The following FMNL2 variants were observed in gnomAD, a reference collection of about 807,000 sequenced individuals.
FMNL2 encodes formin-like protein 2.
FMNL2 carries 51 observed loss-of-function variants against 130.2 expected under a neutral mutation model. The ratio of observed to expected loss-of-function variants is 0.39; its 90% CI spans 0.31 to 0.49. The LOEUF (loss-of-function observed/expected upper bound fraction) is 0.49, where lower values mean the gene tolerates loss of function less well. Ranked by LOEUF, FMNL2 falls within the 20% of genes least tolerant of loss-of-function variation. The pLI is 0.85. For missense variants in FMNL2, 977 were observed against 1,316.2 expected, an observed-to-expected ratio of 0.74 and a Z score of 3.99; for synonymous variants, 465 against 467.1, an observed-to-expected ratio of 1.00 and a Z score of 0.06.
chr2:152,522,781 G>T (rs528574162), intron 2 of FMNL2, among the ~76,000 whole-genome samples: 1 of 152,238 alleles, frequency 6.6e-6, no homozygotes, highest in African/African-American at 2.4e-5. Flanking sequence ...CCAGTCTCAG[G>T]TATGTCTTTA....
chr2:152,386,445 A>G (rs1005885981), intron 1 of FMNL2, among the ~76,000 whole-genome samples: 2 of 152,198 alleles, frequency 1.3e-5, no homozygotes, highest in Non-Finnish European at 1.5e-5. Context: ...TTAATAAGTT[A>G]TGTGATTTTA....
chr2:152,597,394 A>C (rs942244458), intron 9 of FMNL2, among the ~76,000 whole-genome samples: 1 of 152,234 alleles, frequency 6.6e-6, no homozygotes, highest in Non-Finnish European at 1.5e-5. Context: ...ACCATACTTC[A>C]ATATGCGGCA....
intron 11 of FMNL2, among the ~76,000 whole-genome samples, chr2:152,613,116 T>C (rs995574756): frequency 2.6e-5 from 4 of 152,246 alleles, no homozygotes; most frequent in Admixed American, 1.3e-4. Flanking sequence ...AGAGGCGTAA[T>C]AGATTTCCAT....
intron 6 of FMNL2, among the ~76,000 whole-genome samples, chr2:152,566,847 G>A (rs1355281811): frequency 1.3e-5 from 2 of 152,166 alleles, no homozygotes; most frequent in Admixed American, 6.5e-5. Context: ...ACTTGGTGTG[G>A]ATGTGAAACA....
At chr2:152,386,286 C>T (rs1658116667) in intron 1 of FMNL2, among the ~76,000 whole-genome samples, 1 of 152,198 alleles carries the variant, frequency 6.6e-6, no homozygotes, top group Non-Finnish European at 1.5e-5. Flanking sequence ...ATCCCGGGTG[C>T]ACACTTGGAT....
intron 1 of FMNL2, among the ~76,000 whole-genome samples, chr2:152,360,655 A>G (rs546336523): frequency 2.0e-5 from 3 of 152,352 alleles, no homozygotes; most frequent in South Asian, 4.1e-4. Context: ...GGCCCAGTAT[A>G]TATAAGTTCT....
In FMNL2 at chr2:152,509,737, C is replaced by CT. The variant is rs138976882; in HGVS notation, c.118-12180dup. On this transcript the variant is annotated intron_variant, in intron 1 of 25. Transcript: ENST00000288670. ...GAGAAGGTATATCTGTACTCTGGAC[C>CT]TTTTTTTTTTTTTTTTTTTTTTTTT... 6.2e-3 allele frequency among the ~76,000 whole-genome samples: 366 copies of CT among 58,664 alleles called. 76 individuals are homozygous for CT. The East Asian group carries it at 0.093, about 15-fold the overall frequency. 38.5% of individuals were successfully genotyped at this position (58,664 alleles called of 152,430 possible).
chr2:152,446,490 A>T (rs538165918), intron 1 of FMNL2, among the ~76,000 whole-genome samples: 4 of 152,164 alleles, frequency 2.6e-5, no homozygotes, highest in Non-Finnish European at 5.9e-5. Flanking sequence ...TATTCTTTCA[A>T]CTTTTGTGAT....
intron 3 of FMNL2, among the ~76,000 whole-genome samples, chr2:152,547,366 C>T (rs906516447): frequency 2.0e-5 from 3 of 152,152 alleles, no homozygotes; most frequent in Non-Finnish European, 1.5e-5. Flanking sequence ...AGGCCTGTTT[C>T]GACAGAAGAG....
At chr2:152,603,398 T>TG (rs1179008882) in intron 9 of FMNL2, among the ~76,000 whole-genome samples, 23 of 118,014 alleles carry the variant, frequency 1.9e-4, no homozygotes, top group Admixed American at 1.7e-3. Flanking sequence ...TATTTAAGTC[T>TG]GTTTTTTTTT....
At chr2:152,518,772 T>A (rs1244398928) in intron 1 of FMNL2, among the ~76,000 whole-genome samples, 1 of 152,232 alleles carries the variant, frequency 6.6e-6, no homozygotes, top group Non-Finnish European at 1.5e-5. Flanking sequence ...GCTGCCATCA[T>A]TCACTTGAAC....
intron 1 of FMNL2, among the ~76,000 whole-genome samples, chr2:152,391,151 C>T (rs548726459): frequency 1.7e-4 from 26 of 152,202 alleles, no homozygotes; most frequent in Non-Finnish European, 3.5e-4. Context: ...TGAATCATAG[C>T]ACTGCGTCTT....
At chr2:152,573,695 C>T (rs1043955750) in intron 6 of FMNL2, among the ~76,000 whole-genome samples, 1 of 152,118 alleles carries the variant, frequency 6.6e-6, no homozygotes, top group African/African-American at 2.4e-5. Flanking sequence ...TATTACTACT[C>T]TATTTTTATA....
At chr2:152,370,432 T>C (rs995588272) in intron 1 of FMNL2, among the ~76,000 whole-genome samples, 4 of 152,244 alleles carry the variant, frequency 2.6e-5, no homozygotes, top group Admixed American at 1.3e-4. Context: ...TTTCAACACA[T>C]GAATTTGACA....
rs769093071 is a variant in FMNL2, at chr2:152,647,819, C to A, written c.3193C>A (p.Arg1065=). The change falls in exon 26 of 26, where the codon CGA becomes AGA. Residue 1065 remains arginine, a synonymous_variant. Coordinates refer to ENST00000288670, the MANE Select transcript of FMNL2 (RefSeq NM_052905.4). ...AGATCTTAGAAACCAACCATACAGA[C>A]GAGCCGATGCGGTGAGGAGAAGCGT... The part of the protein sequence containing the change: ...ITDLRNQPYR[R]ADAVRRSVRR... The A allele has an allele frequency of 6.2e-7, 1 of 1,613,560 alleles. No individual in the cohort carries two copies. Among genetic ancestry groups the A allele is most frequent in the Non-Finnish European group, 8.5e-7 (1 of 1,179,782 alleles).
At chr2:152,524,562 G>C (rs953981999) in intron 2 of FMNL2, among the ~76,000 whole-genome samples, 2 of 152,174 alleles carry the variant, frequency 1.3e-5, no homozygotes, top group African/African-American at 2.4e-5. Flanking sequence ...TGGGGACACA[G>C]AGGCAAATTT....
chr2:152,448,051 G>A (rs1358700441), intron 1 of FMNL2, among the ~76,000 whole-genome samples: 1 of 152,022 alleles, frequency 6.6e-6, no homozygotes, highest in African/African-American at 2.4e-5. Context: ...TTACTCACAA[G>A]CCTGCAGGTT....
At chr2:152,493,187 T>C (rs1579803476) in intron 1 of FMNL2, among the ~76,000 whole-genome samples, 2 of 152,358 alleles carry the variant, frequency 1.3e-5, no homozygotes, top group South Asian at 2.1e-4. Flanking sequence ...GAGATTCTTA[T>C]GCAATTATGG....
At chr2:152,423,673 G>C (rs767775260) in intron 1 of FMNL2, among the ~76,000 whole-genome samples, 11 of 152,108 alleles carry the variant, frequency 7.2e-5, no homozygotes, top group Non-Finnish European at 1.5e-4. Context: ...CCTCTTCTTT[G>C]CCTTGGTATC....
Sources: allele counts gnomAD v4.1 joint callset (sites outside exome capture counted in the v4.1 genomes callset), GRCh38; gene constraint gnomAD v4.1.1; transcripts MANE v1.5; gene names NCBI Gene and HGNC (gene_info 2026-07-23, HGNC 2026-07-21).